The following COL23A1 variants were observed in gnomAD, a reference collection of about 807,000 sequenced individuals.
COL23A1 encodes collagen type XXIII alpha 1 chain.
In COL23A1, 97 loss-of-function variants were observed where a neutral mutation model predicts 99.3. That is an observed-to-expected ratio of 0.98 (90% confidence interval 0.83 to 1.16). COL23A1 has a LOEUF of 1.16. COL23A1 is among the 50% of genes most tolerant of loss of function. The pLI, the probability that COL23A1 is intolerant of heterozygous loss-of-function variation, is 0.00. For synonymous variants in COL23A1, 320 were observed against 308.2 expected, an observed-to-expected ratio of 1.04 and a Z score of -0.40; for missense variants, 762 against 757.4, an observed-to-expected ratio of 1.01 and a Z score of -0.07.
At chr5:178,523,255 GAC>G (rs1458411796) in intron 2 of COL23A1, among the ~76,000 whole-genome samples, 86 of 80,552 alleles carry the variant, frequency 1.1e-3, no homozygotes, top group East Asian at 2.0e-3. Context: ...GAGAGAGAGA[GAC>G]AGAGAGAGAG....
At chr5:178,249,330 A>G (rs1384068057) in intron 18 of COL23A1, 124 bp from the exon 19 acceptor site, 2 of 912,710 alleles carry the variant, frequency 2.2e-6, no homozygotes, top group Middle Eastern at 2.4e-4. Context: ...CCCCACCTCC[A>G]GCCACAGTGG....
chr5:178,561,815 G>A lies in COL23A1; in HGVS notation c.295-1067C>T, dbSNP rs78055108. On this transcript the variant is annotated intron_variant, in intron 1 of 28. Coordinates refer to ENST00000390654, the MANE Select transcript of COL23A1 (RefSeq NM_173465.4). Reference sequence around the variant, plus strand: ...AGTATTTTTAGGCACTGCTTTAGAGGAGGAGAGAATTTGCACAGACGACAA... The same window carrying A: ...AGTATTTTTAGGCACTGCTTTAGAGAAGGAGAGAATTTGCACAGACGACAA... The A allele has an allele frequency of 6.9e-3, 1,552 of 224,950 alleles. 10 individuals are homozygous for A. Among genetic ancestry groups the A allele is most frequent in the Middle Eastern group, 0.024 (14 of 580 alleles). The allele number at this position is 224,950 out of a possible 1,614,324, so 13.9% of individuals were successfully genotyped here.
At chr5:178,495,465 G>T (rs929284023) in intron 2 of COL23A1, among the ~76,000 whole-genome samples, 3 of 152,220 alleles carry the variant, frequency 2.0e-5, no homozygotes, top group African/African-American at 7.2e-5. Context: ...ATGAATTAAT[G>T]AATGAATGTA....
intron 1 of COL23A1, among the ~76,000 whole-genome samples, chr5:178,577,151 C>A (rs528475947): frequency 6.6e-6 from 1 of 152,284 alleles, no homozygotes; most frequent in East Asian, 1.9e-4. Flanking sequence ...CCCAGCGGGT[C>A]CCTGCTCTGC....
At chr5:178,472,177 C>T (rs59608037) in intron 2 of COL23A1, among the ~76,000 whole-genome samples, 18,611 of 152,154 alleles carry the variant, frequency 0.12, 2,659 homozygotes, top group East Asian at 0.51. Context: ...AAAACAACCC[C>T]AAGGACTGCA....
At chr5:178,517,281 C>T (rs1759574054) in intron 2 of COL23A1, among the ~76,000 whole-genome samples, 1 of 152,166 alleles carries the variant, frequency 6.6e-6, no homozygotes, top group African/African-American at 2.4e-5. Flanking sequence ...AAAAGCAAAC[C>T]TGTATCCCTA....
chr5:178,314,401 C>T (rs1249408112), intron 2 of COL23A1, among the ~76,000 whole-genome samples: 5 of 152,168 alleles, frequency 3.3e-5, no homozygotes, highest in South Asian at 2.1e-4. Flanking sequence ...TTTGGAACAA[C>T]GGTTACTGTC....
chr5:178,555,273 G>C (rs1762206386), intron 2 of COL23A1, among the ~76,000 whole-genome samples: 2 of 152,186 alleles, frequency 1.3e-5, no homozygotes, highest in African/African-American at 4.8e-5. Flanking sequence ...CCATTCTGAA[G>C]CCCTGAGGGT....
chr5:178,245,900 C>A, intron 25 of COL23A1, 42 bp downstream of exon 25: 1 of 1,611,846 alleles, frequency 6.2e-7, no homozygotes, highest in African/African-American at 1.3e-5. Flanking sequence ...AAGATACACA[C>A]AAGAGGCACC....
chr5:178,435,056 A>G (rs1766482622), intron 2 of COL23A1, among the ~76,000 whole-genome samples: 1 of 152,188 alleles, frequency 6.6e-6, no homozygotes, highest in Non-Finnish European at 1.5e-5. Flanking sequence ...CAGCGGGGCG[A>G]GCAATAATCT....
intron 2 of COL23A1, among the ~76,000 whole-genome samples, chr5:178,451,864 A>G (rs1270073938): frequency 6.6e-6 from 1 of 152,082 alleles, no homozygotes; most frequent in Non-Finnish European, 1.5e-5. Flanking sequence ...AGAGATGAAA[A>G]GTAAGATTTG....
intron 2 of COL23A1, among the ~76,000 whole-genome samples, chr5:178,554,535 G>A (rs1762168060): frequency 6.6e-6 from 1 of 152,176 alleles, no homozygotes; most frequent in Admixed American, 6.5e-5. Context: ...CAAACCACCT[G>A]GCGGTGACTG....
intron 2 of COL23A1, among the ~76,000 whole-genome samples, chr5:178,506,243 C>T (rs533288713): frequency 8.5e-5 from 13 of 152,318 alleles, no homozygotes; most frequent in African/African-American, 2.9e-4. Flanking sequence ...GGATATTTTC[C>T]AGTCCTGGGC....
At chr5:178,462,409 C>T (rs1756169440) in intron 2 of COL23A1, among the ~76,000 whole-genome samples, 1 of 152,154 alleles carries the variant, frequency 6.6e-6, no homozygotes, top group Admixed American at 6.5e-5. Flanking sequence ...CTAAGATAAA[C>T]CTGTATGCAT....
chr5:178,374,347 C>G (rs1762957898), intron 2 of COL23A1, among the ~76,000 whole-genome samples: 1 of 152,192 alleles, frequency 6.6e-6, no homozygotes, highest in Non-Finnish European at 1.5e-5. Context: ...CCCAGTTCAA[C>G]AGTCACTTCC....
At chr5:178,458,809 T>C (rs1172337572) in intron 2 of COL23A1, among the ~76,000 whole-genome samples, 3 of 152,240 alleles carry the variant, frequency 2.0e-5, no homozygotes, top group African/African-American at 4.8e-5. Flanking sequence ...ACCTTCATTC[T>C]GTGCCTCCTG....
chr5:178,575,272 C>T (rs1763290340), intron 1 of COL23A1, among the ~76,000 whole-genome samples: 1 of 151,986 alleles, frequency 6.6e-6, no homozygotes, highest in Non-Finnish European at 1.5e-5. Flanking sequence ...AGTTAGGAAG[C>T]ACCTCTTAAC....
rs958165780 is a variant in COL23A1, at chr5:178,590,094, G to T, written c.104C>A (p.Ala35Glu). Residue 35 changes from alanine (A) to glutamate (E), a missense_variant, in exon 1 of 29, where the codon GCG becomes GAG. Transcript: ENST00000390654. This position sits in a 1 kb window ranked among gnomAD's most constrained non-coding sequence, Gnocchi z 5.7. ...GAGCAGCAGGCACAGCGCGCTCACC[G>T]CCCGGGACCCGGCCGTCGTCGCCGA... ...GRSATTAGSR[A>E]VSALCLLLSV... is the part of the protein sequence containing the mutation. 2 of 1,283,384 alleles carry T rather than the reference G, an allele frequency of 1.6e-6. No homozygotes were observed. The highest frequency in any genetic ancestry group is 2.0e-6 in the Non-Finnish European group (2 of 1,013,910). 79.5% of individuals were successfully genotyped at this position (1,283,384 alleles called of 1,614,324 possible).
At chr5:178,337,156 G>A (rs78037795) in intron 2 of COL23A1, among the ~76,000 whole-genome samples, 250 of 152,300 alleles carry the variant, frequency 1.6e-3, no homozygotes, top group African/African-American at 5.8e-3. Flanking sequence ...ACGACACATT[G>A]CGCCAGGCCG....
Sources: allele counts gnomAD v4.1 joint callset (sites outside exome capture counted in the v4.1 genomes callset), GRCh38; gene constraint gnomAD v4.1.1; non-coding constraint Gnocchi (gnomAD v3.1); transcripts MANE v1.5; gene names NCBI Gene and HGNC (gene_info 2026-07-23, HGNC 2026-07-21).